Variants in FARP1 observed in about 807,000 individuals in gnomAD.
FARP1 encodes FERM, ARHGEF and pleckstrin domain-containing protein 1.
Under a neutral mutation model 128.8 loss-of-function variants are expected in FARP1, and 52 were observed. The observed-to-expected ratio is 0.40, with a 90% confidence interval of 0.32 to 0.51. The LOEUF (loss-of-function observed/expected upper bound fraction) is 0.51, where lower values mean the gene tolerates loss of function less well. FARP1 is among the 20% of genes least tolerant of loss of function. The probability of loss-of-function intolerance (pLI) is 0.45; values close to 1 mark genes in which losing one functional copy is unlikely to be tolerated. For synonymous variants in FARP1, 580 were observed against 551.8 expected (o/e 1.05, Z -0.72); for missense variants, 1,333 against 1,367.9 (o/e 0.97, Z 0.40).
rs142149874 is a variant in FARP1 at position 98,436,309 on chromosome 13, G to A, written c.2274+603G>A. Among the ~76,000 whole-genome samples the A allele has an allele frequency of 6.9e-3, 1,045 of 152,172 alleles. 3 individuals are homozygous for A. Among genetic ancestry groups the A allele is most frequent in the Non-Finnish European group, 0.011 (728 of 68,004 alleles). ...GGCTTCCCGCACACACTCCTTCCAG[G>A]CCAGTGACAATGTGGAGGACAGGAA... On this transcript the variant is annotated intron_variant, in intron 19 of 26. Transcript: ENST00000319562.
At chr13:98,295,029 A>T (rs1472916203) in intron 2 of FARP1, among the ~76,000 whole-genome samples, 3 of 147,382 alleles carry the variant, frequency 2.0e-5, no homozygotes, top group African/African-American at 7.7e-5. Context: ...GAAAAAAAAA[A>T]TTATATATAT....
intron 2 of FARP1, among the ~76,000 whole-genome samples, chr13:98,262,930 C>T (rs376223912): frequency 2.0e-5 from 3 of 152,210 alleles, no homozygotes; most frequent in East Asian, 3.9e-4. Context: ...GGAGTTAGCA[C>T]GTCATTTTAC....
At chr13:98,339,188 T>C (rs1887862734) in intron 2 of FARP1, among the ~76,000 whole-genome samples, 1 of 152,080 alleles carries the variant, frequency 6.6e-6, no homozygotes, top group Admixed American at 6.6e-5. Flanking sequence ...AGAAAGGAGG[T>C]TTACTTGACT....
At chr13:98,256,869 T>G (rs1883613283) in intron 2 of FARP1, among the ~76,000 whole-genome samples, 1 of 2,738 alleles carries the variant, frequency 3.7e-4, no homozygotes, top group Non-Finnish European at 6.6e-4. Flanking sequence ...CTTACTACAG[T>G]TTTTTTTTTT....
rs981177595 is a variant in FARP1, at chr13:98,450,336, T to C, written c.*2019T>C. The C allele has an allele frequency of 6.6e-5, 10 of 152,158 alleles. No homozygotes were observed. The highest frequency in any genetic ancestry group is 2.2e-4 in the African/African-American group (9 of 41,436). The allele number at this position is 152,158 out of a possible 1,614,324, so 9.4% of individuals were successfully genotyped here. A position where few individuals can be genotyped will look rare whatever the true frequency, so the allele number is the denominator to read the frequency against. ...AAGCTGTTTTTAAAGGAGGGAAATA[T>C]AAAAAATGTTTATAAACTGACAGTG... On this transcript the variant is annotated 3_prime_UTR_variant, in exon 27 of 27. Coordinates refer to ENST00000319562, the MANE Select transcript of FARP1 (RefSeq NM_005766.4).
intron 1 of FARP1, among the ~76,000 whole-genome samples, chr13:98,152,731 C>T (rs1876100830): frequency 6.7e-6 from 1 of 150,228 alleles, no homozygotes; most frequent in African/African-American, 2.4e-5. Flanking sequence ...TTAATATTAT[C>T]TATGAGAAAA....
chr13:98,439,460 C>A (rs981911501), intron 21 of FARP1, among the ~76,000 whole-genome samples: 5 of 152,160 alleles, frequency 3.3e-5, no homozygotes, highest in African/African-American at 1.2e-4. Flanking sequence ...AGGTCCATTC[C>A]TTATAGAATC....
intron 2 of FARP1, among the ~76,000 whole-genome samples, chr13:98,225,056 G>T (rs1248447965): frequency 1.3e-5 from 2 of 152,186 alleles, no homozygotes; most frequent in African/African-American, 4.8e-5. Flanking sequence ...CTTAGCAGTA[G>T]AATTCAAATG....
At chr13:98,279,054 C>T (rs776946483) in intron 2 of FARP1, among the ~76,000 whole-genome samples, 2 of 149,246 alleles carry the variant, frequency 1.3e-5, no homozygotes, top group African/African-American at 2.5e-5. Flanking sequence ...CCAGGATGGT[C>T]TTGATCTCCT....
At chr13:98,295,041 TA>T (rs1885603487) in intron 2 of FARP1, among the ~76,000 whole-genome samples, 1 of 141,204 alleles carries the variant, frequency 7.1e-6, no homozygotes, top group Non-Finnish European at 1.5e-5. Context: ...TATATATATA[TA>T]TATTACACAC....
chr13:98,345,977 A>C (rs1480607169), intron 3 of FARP1, among the ~76,000 whole-genome samples: 1 of 152,144 alleles, frequency 6.6e-6, no homozygotes, highest in Non-Finnish European at 1.5e-5. Flanking sequence ...TATTCCTGCA[A>C]CGGTGCATTA....
intron 6 of FARP1, chr13:98,384,381 C>T (rs191948313): frequency 3.2e-5 from 7 of 215,558 alleles, no homozygotes; most frequent in East Asian, 2.1e-4. Flanking sequence ...TTGGTAGAGA[C>T]GAGGTTTCGC....
chr13:98,382,922 G>C (rs759883125), intron 6 of FARP1, among the ~76,000 whole-genome samples: 1 of 152,186 alleles, frequency 6.6e-6, no homozygotes, highest in Non-Finnish European at 1.5e-5. Context: ...ATGTGTGTTA[G>C]GTAAGCATCG....
At chr13:98,230,159 C>A (rs114907433) in intron 2 of FARP1, among the ~76,000 whole-genome samples, 227 of 152,262 alleles carry the variant, frequency 1.5e-3, no homozygotes, top group African/African-American at 5.1e-3. Context: ...AAAAATTTGT[C>A]ATTGTCTGTG....
intron 2 of FARP1, among the ~76,000 whole-genome samples, chr13:98,220,801 A>G (rs966647630): frequency 6.6e-5 from 10 of 152,148 alleles, no homozygotes; most frequent in African/African-American, 2.2e-4. Flanking sequence ...GATCAAAGTC[A>G]GTTCTCTAGC....
intron 2 of FARP1, among the ~76,000 whole-genome samples, chr13:98,246,014 C>T (rs1386740749): frequency 6.7e-6 from 1 of 150,374 alleles, no homozygotes; most frequent in Non-Finnish European, 1.5e-5. Context: ...TGAGCTCAGG[C>T]AATCTGCCCC....
chr13:98,229,667 T>G (rs1375822304), intron 2 of FARP1, among the ~76,000 whole-genome samples: 2 of 145,064 alleles, frequency 1.4e-5, no homozygotes, highest in Admixed American at 6.9e-5. Flanking sequence ...TTTTAGATGA[T>G]TATTATATAC....
intron 5 of FARP1, among the ~76,000 whole-genome samples, chr13:98,373,501 C>A (rs1169673132): frequency 2.0e-5 from 3 of 148,730 alleles, no homozygotes; most frequent in Non-Finnish European, 4.5e-5. Context: ...CTCTGCTTTT[C>A]TTCCCTTTGA....
chr13:98,335,608 C>A (rs1435755386), intron 2 of FARP1, among the ~76,000 whole-genome samples: 2 of 152,178 alleles, frequency 1.3e-5, no homozygotes, highest in African/African-American at 4.8e-5. Context: ...GAGAGATGCT[C>A]ATCTTCTTGC....
Sources: gnomAD v4.1 joint callset for allele counts (sites outside exome capture counted in the v4.1 genomes callset) on GRCh38, gnomAD v4.1.1 for gene constraint, MANE v1.5 for transcripts, NCBI Gene and HGNC (gene_info 2026-07-23, HGNC 2026-07-21) for gene names.